Variants in APBA1 observed in about 807,000 individuals in gnomAD.
The protein encoded by APBA1 is amyloid beta precursor protein binding family A member 1.
Under a neutral mutation model 86.6 loss-of-function variants are expected in APBA1, and 55 were observed. The observed-to-expected ratio is 0.64, with a 90% CI of 0.51 to 0.80. The LOEUF (loss-of-function observed/expected upper bound fraction) is 0.80. APBA1 is among the 30% of genes least tolerant of loss of function. The pLI, the probability that APBA1 is intolerant of heterozygous loss-of-function variation, is 0.00. For missense variants in APBA1, 1,090 were observed against 1,183.0 expected, an observed-to-expected ratio of 0.92 and a Z score of 1.15; for synonymous variants, 511 against 493.9, an observed-to-expected ratio of 1.03 and a Z score of -0.46.
intron 1 of APBA1, among the ~76,000 whole-genome samples, chr9:69,644,037 G>C (rs1158287112): frequency 2.6e-5 from 4 of 152,150 alleles, no homozygotes; most frequent in Non-Finnish European, 5.9e-5. Flanking sequence ...AAATGGCCAG[G>C]CCTTCCTTGA....
chr9:69,626,730 C>A (rs540789346), intron 1 of APBA1, among the ~76,000 whole-genome samples: 2 of 152,020 alleles, frequency 1.3e-5, no homozygotes, highest in Non-Finnish European at 2.9e-5. Context: ...CATAAGCTTT[C>A]AAACCCTAAG....
intron 5 of APBA1, chr9:69,462,100 T>C (rs933713095): frequency 2.6e-5 from 4 of 152,244 alleles, no homozygotes; most frequent in African/African-American, 9.6e-5. Flanking sequence ...CCAAAATGCA[T>C]GGACCACAAG....
Position 69,429,804 on chromosome 9 carries a change from G to A in APBA1, c.*1523C>T, listed in dbSNP as rs1255909953. 6.6e-6 allele frequency: 1 copy of A among 150,788 alleles called. No individual in the cohort carries two copies. The highest frequency in any genetic ancestry group is 1.5e-5 in the Non-Finnish European group (1 of 67,764). The allele number at this position is 150,788 out of a possible 1,614,324, so 9.3% of individuals were successfully genotyped here. On this transcript the variant is annotated 3_prime_UTR_variant, in exon 13 of 13. Coordinates refer to ENST00000265381, the MANE Select transcript of APBA1 (RefSeq NM_001163.4). ...TAAATATCTCGGATGCAGAGAACAG[G>A]GACTATATTAATTACAAAATATAAT...
intron 1 of APBA1, among the ~76,000 whole-genome samples, chr9:69,647,544 A>G (rs1198358065): frequency 6.6e-6 from 1 of 152,248 alleles, no homozygotes; most frequent in African/African-American, 2.4e-5. Context: ...GACAGCTTTC[A>G]GGGTAGACAA....
chr9:69,517,711 C>T (rs948082310), intron 1 of APBA1, among the ~76,000 whole-genome samples: 1 of 152,202 alleles, frequency 6.6e-6, no homozygotes, highest in African/African-American at 2.4e-5. Flanking sequence ...TTCAAAGAAA[C>T]ATAATCTTGA....
At chr9:69,504,301 GT>G (rs1305296432) in intron 2 of APBA1, among the ~76,000 whole-genome samples, 1 of 151,948 alleles carries the variant, frequency 6.6e-6, no homozygotes, top group Non-Finnish European at 1.5e-5. Flanking sequence ...TTCCCCTTCT[GT>G]TTTATCTTTG....
At position 69,516,675 on chromosome 9, in the gene APBA1, T is replaced by G; in HGVS notation, c.536A>C (p.Glu179Ala). The change falls in exon 2 of 13, where the codon GAG becomes GCG. Residue 179 changes from glutamate to alanine, a missense_variant. Physicochemically the swap from Glu to Ala is moderately radical, Grantham distance 107 (BLOSUM62 -1). Around this residue, in one of 6 missense-constraint regions of APBA1, gnomAD observed 678 missense variants for 647.1 expected, o/e 1.05. Transcript: ENST00000265381. This position sits in a 1 kb window ranked among gnomAD's most constrained non-coding sequence, Gnocchi z 7.3. ...VYTHRLFHRG[E>A]DEPYSEPYAD... ...ATAGGGCTCGGAGTAGGGCTCGTCC[T>G]CACCGCGGTGGAAGAGCCGGTGCGT... 1 of 1,610,116 alleles carries G rather than the reference T, an allele frequency of 6.2e-7. No homozygotes were observed.
chr9:69,559,186 A>C (rs1031275017), intron 1 of APBA1, among the ~76,000 whole-genome samples: 9 of 152,234 alleles, frequency 5.9e-5, no homozygotes, highest in African/African-American at 2.2e-4. Context: ...AGTATTAATA[A>C]AAAGCAAATT....
At chr9:69,460,341 T>G (rs139543100) in intron 5 of APBA1, among the ~76,000 whole-genome samples, 56 of 152,310 alleles carry the variant, frequency 3.7e-4, no homozygotes, top group Middle Eastern at 3.4e-3. Context: ...GTGGGAATAG[T>G]TCTGCATCTG....
intron 1 of APBA1, among the ~76,000 whole-genome samples, chr9:69,610,882 T>C (rs1822572377): frequency 6.6e-6 from 1 of 152,058 alleles, no homozygotes; most frequent in South Asian, 2.1e-4. Flanking sequence ...TCATTCAAAC[T>C]CCCCAAGCTT....
In APBA1 at chr9:69,458,174, T is replaced by A. The variant is rs1178982918; in HGVS notation, c.1497A>T (p.Leu499Phe). The part of the protein sequence containing the change: ...AVSRIKMAQK[L>F]AKSRKKAPEG... ...ACTGCACCTTCTTCCTGCTTTTGGCTAATTTCTGGGCCATCTGCTTAGCAT... is the reference window on the plus strand; with the variant it reads ...ACTGCACCTTCTTCCTGCTTTTGGCAAATTTCTGGGCCATCTGCTTAGCAT... Residue 499 changes from leucine to phenylalanine, a missense_variant, in exon 6 of 13, where the codon TTA (leucine) becomes TTT (phenylalanine). Leu to Phe is a conservative substitution (Grantham distance 22, BLOSUM62 0). Coordinates refer to ENST00000265381, the MANE Select transcript of APBA1 (RefSeq NM_001163.4). 6.2e-7 allele frequency: 1 copy of A among 1,612,450 alleles called. No homozygotes were observed. Among genetic ancestry groups the A allele is most frequent in the South Asian group, 1.1e-5 (1 of 90,604 alleles).
chr9:69,647,314 C>T (rs1023877745), intron 1 of APBA1, among the ~76,000 whole-genome samples: 2 of 152,234 alleles, frequency 1.3e-5, no homozygotes, highest in Non-Finnish European at 2.9e-5. Flanking sequence ...CATGGACTCT[C>T]AAATCTGCAG....
intron 1 of APBA1, among the ~76,000 whole-genome samples, chr9:69,517,878 G>A (rs1260256669): frequency 6.6e-6 from 1 of 152,104 alleles, no homozygotes; most frequent in Non-Finnish European, 1.5e-5. Flanking sequence ...GATGTTAACA[G>A]CTATTATATA....
At chr9:69,440,111 C>T (rs1438254844) in intron 11 of APBA1, among the ~76,000 whole-genome samples, 6 of 152,014 alleles carry the variant, frequency 3.9e-5, no homozygotes, top group African/African-American at 1.2e-4. Context: ...ATTGGTGAAC[C>T]GCAAATGCTG....
At chr9:69,615,851 A>C (rs1822688319) in intron 1 of APBA1, among the ~76,000 whole-genome samples, 1 of 152,200 alleles carries the variant, frequency 6.6e-6, no homozygotes. Context: ...TTAAGGGACA[A>C]ATCTCATGCC....
intron 1 of APBA1, among the ~76,000 whole-genome samples, chr9:69,574,941 G>T (rs1038533109): frequency 1.3e-5 from 2 of 152,034 alleles, no homozygotes; most frequent in Non-Finnish European, 2.9e-5. Context: ...TTGTGACAGG[G>T]TTTCATTCTG....
chr9:69,627,290 A>G (rs1409832875), intron 1 of APBA1, among the ~76,000 whole-genome samples: 7 of 152,094 alleles, frequency 4.6e-5, no homozygotes, highest in African/African-American at 1.4e-4. Flanking sequence ...ATTATAGTTC[A>G]ATGCAGTAAG....
intron 1 of APBA1, among the ~76,000 whole-genome samples, chr9:69,539,085 G>C (rs1019487931): frequency 6.6e-6 from 1 of 152,148 alleles, no homozygotes; most frequent in African/African-American, 2.4e-5. Context: ...TTATCCGTCA[G>C]ACCTCTCAAC....
At chr9:69,433,860 G>A (rs1220839638) in intron 11 of APBA1, among the ~76,000 whole-genome samples, 1 of 147,728 alleles carries the variant, frequency 6.8e-6, no homozygotes, top group African/African-American at 2.6e-5. Flanking sequence ...CACCTAGGCT[G>A]GAGTGCAGTG....
Sources: gnomAD v4.1 joint callset for allele counts (sites outside exome capture counted in the v4.1 genomes callset) on GRCh38, gnomAD v4.1.1 for gene constraint, gnomAD v4.1.1 regional missense constraint, Gnocchi (gnomAD v3.1) non-coding constraint, MANE v1.5 for transcripts, NCBI Gene and HGNC (gene_info 2026-07-23, HGNC 2026-07-21) for gene names.